OTOF: variants seen among roughly 807,000 people sequenced by gnomAD.
The protein encoded by OTOF is fer-1-like family member 2.
Under a neutral mutation model 236.8 loss-of-function variants are expected in OTOF, and 218 were observed. The ratio of observed to expected loss-of-function variants is 0.92; its 90% CI spans 0.82 to 1.03. The LOEUF is 1.03. Among genes scored for constraint, OTOF ranks in the 50% least tolerant of loss-of-function variants. OTOF has a pLI of 0.00. For synonymous variants in OTOF, 1,041 were observed against 1,072.5 expected (o/e 0.97, Z 0.57); for missense variants, 2,590 against 2,694.4 (o/e 0.96, Z 0.86).
chr2:26,501,295 A>C (rs1268045333), intron 8 of OTOF, among the ~76,000 whole-genome samples: 1 of 152,268 alleles, frequency 6.6e-6, no homozygotes, highest in Non-Finnish European at 1.5e-5. Flanking sequence ...AAAGAAGAAA[A>C]AAATCACTCA....
intron 1 of OTOF, among the ~76,000 whole-genome samples, chr2:26,544,203 A>G (rs942403128): frequency 6.6e-6 from 1 of 152,200 alleles, no homozygotes; most frequent in African/African-American, 2.4e-5. Context: ...TTTTAAAACT[A>G]GGTGAAACTT....
intron 9 of OTOF, among the ~76,000 whole-genome samples, chr2:26,494,051 A>C (rs989963283): frequency 6.6e-6 from 1 of 152,224 alleles, no homozygotes; most frequent in Non-Finnish European, 1.5e-5. Flanking sequence ...ATGGGGTCCC[A>C]TCTGGAGCCT....
intron 11 of OTOF, among the ~76,000 whole-genome samples, chr2:26,486,141 G>A (rs541805255): frequency 3.9e-5 from 6 of 152,220 alleles, no homozygotes; most frequent in South Asian, 4.2e-4. Context: ...CAGGTGGGTG[G>A]GTAGATATAT....
chr2:26,472,509 C>A lies in OTOF; in HGVS notation c.3864+10G>T, dbSNP rs760936806. The A allele has an allele frequency of 1.2e-6, 2 of 1,613,272 alleles. No individual in the cohort carries two copies. The highest frequency in any genetic ancestry group is 2.7e-5 in the African/African-American group (2 of 74,918). On this transcript the variant is annotated intron_variant, in intron 30 of 46. Coordinates refer to ENST00000272371, the MANE Select transcript of OTOF (RefSeq NM_194248.3). Reference sequence around the variant, plus strand: ...CCCAGCCAGCAGGGGGCTGACCCCACCCGCCTTACCGCGTCCAGCTTCACC... The same window carrying A: ...CCCAGCCAGCAGGGGGCTGACCCCAACCGCCTTACCGCGTCCAGCTTCACC...
chr2:26,486,963 T>C (rs973778260), intron 11 of OTOF, among the ~76,000 whole-genome samples: 7 of 152,130 alleles, frequency 4.6e-5, no homozygotes, highest in Non-Finnish European at 2.9e-5. Flanking sequence ...CAGACCTCCT[T>C]TATGATCTAT....
chr2:26,486,028 A>G (rs1211739421), intron 11 of OTOF, among the ~76,000 whole-genome samples: 1 of 152,238 alleles, frequency 6.6e-6, no homozygotes, highest in Non-Finnish European at 1.5e-5. Flanking sequence ...GAATGGGTGC[A>G]TAAATGGGCA....
At chr2:26,533,347 G>T (rs548587317) in intron 2 of OTOF, among the ~76,000 whole-genome samples, 16 of 152,278 alleles carry the variant, frequency 1.1e-4, no homozygotes, top group South Asian at 1.0e-3. Context: ...AGACGGATTT[G>T]CAAGCTTAAA....
At chr2:26,546,643 T>C (rs1223556557) in intron 1 of OTOF, among the ~76,000 whole-genome samples, 1 of 152,196 alleles carries the variant, frequency 6.6e-6, no homozygotes, top group Non-Finnish European at 1.5e-5. Flanking sequence ...TTGTTGTGAT[T>C]TTTATTAGGA....
chr2:26,522,336 A>G (rs970671926), intron 3 of OTOF, among the ~76,000 whole-genome samples: 8 of 152,022 alleles, frequency 5.3e-5, no homozygotes, highest in Non-Finnish European at 1.2e-4. Flanking sequence ...ATTTAAGCAA[A>G]AACACAGTGC....
intron 18 of OTOF, among the ~76,000 whole-genome samples, chr2:26,478,710 A>C (rs200699610): frequency 9.4e-6 from 1 of 106,926 alleles, no homozygotes; most frequent in African/African-American, 4.1e-5. Flanking sequence ...ATTTTATTTT[A>C]TTTTTTGAGA....
chr2:26,459,203 G>C (rs1024089140), intron 46 of OTOF, among the ~76,000 whole-genome samples: 6 of 152,186 alleles, frequency 3.9e-5, no homozygotes, highest in Non-Finnish European at 8.8e-5. Context: ...GGCTAACCCT[G>C]GCCACACCCT....
intron 26 of OTOF, 29 bp from the exon 27 acceptor site, chr2:26,474,139 C>CTGTG: frequency 6.2e-7 from 1 of 1,612,418 alleles, no homozygotes; most frequent in Non-Finnish European, 8.5e-7. Flanking sequence ...AGGTCACACA[C>CTGTG]TGGGGAGCCC....
intron 2 of OTOF, among the ~76,000 whole-genome samples, chr2:26,530,975 T>C (rs1436483431): frequency 6.6e-6 from 1 of 152,198 alleles, no homozygotes; most frequent in African/African-American, 2.4e-5. Context: ...AGTAGAGGCA[T>C]GGGCTGTAAG....
Position 26,477,750 on chromosome 2 carries a change from C to G in OTOF, c.2215-1G>C. ...CCTGTATGTCGTTCAGGCCTTCTTC[C>G]TGTGAATCAGGAGTGTGGGTGATGC... On this transcript the variant is annotated splice_acceptor_variant, in intron 18 of 46. Transcript: ENST00000272371. LOFTEE classifies it high-confidence loss of function. This position sits in a 1 kb window ranked among gnomAD's most constrained non-coding sequence, Gnocchi z 4.7. 1.2e-6 allele frequency: 2 copies of G among 1,612,692 alleles called. No individual in the cohort carries two copies. Among genetic ancestry groups the G allele is most frequent in the East Asian group, 4.5e-5 (2 of 44,866 alleles).
In OTOF at chr2:26,473,088, G is replaced by T. The variant is rs367852530; in HGVS notation, c.3733+44C>A. The T allele has an allele frequency of 2.7e-5, 43 of 1,588,428 alleles. No homozygotes were observed. The African/African-American group carries it at 4.4e-4, about 16-fold the overall frequency. ...GCGGAGACCTGGAGCCCTTCCCTGG[G>T]GGGCGTGGAGCCAGGCTTGGTGGCA... On this transcript the variant is annotated intron_variant, in intron 29 of 46. Transcript: ENST00000272371. This position sits in a 1 kb window ranked among gnomAD's most constrained non-coding sequence, Gnocchi z 7.2.
Position 26,489,734 on chromosome 2 carries a change from C to G in OTOF, c.904G>C (p.Val302Leu). 1 of 1,612,648 alleles carries G rather than the reference C, an allele frequency of 6.2e-7. No individual in the cohort carries two copies. Among genetic ancestry groups the G allele is most frequent in the Non-Finnish European group, 8.5e-7 (1 of 1,179,646 alleles). ...TNCPYYNEYF[V>L]FDFHVSPDVM... ...TCCGGAGAGACATGGAAGTCGAAGA[C>G]GAAGTACTGGAGGGGGAAGGATCCA... is the stretch of plus-strand genomic sequence containing the variant. Residue 302 changes from valine to leucine, a missense_variant, in exon 10 of 47, where the codon GTC becomes CTC. Transcript: ENST00000272371.
chr2:26,473,101 AGGCTT>A lies in OTOF; in HGVS notation c.3733+26_3733+30del, dbSNP rs1384849150. Reference sequence around the variant, plus strand: ...GCCCTTCCCTGGGGGGCGTGGAGCCAGGCTTGGTGGCAGGGTGGATGTGGCCATAC... The same window carrying A: ...GCCCTTCCCTGGGGGGCGTGGAGCCAGGTGGCAGGGTGGATGTGGCCATAC... On this transcript the variant is annotated intron_variant, in intron 29 of 46. Coordinates refer to ENST00000272371, the MANE Select transcript of OTOF (RefSeq NM_194248.3). The surrounding 1 kb of genome is among the most constrained non-coding windows in gnomAD (Gnocchi z 7.2). The A allele has an allele frequency of 6.9e-6, 11 of 1,603,190 alleles. No homozygotes were observed. In the South Asian group the frequency reaches 9.9e-5, roughly 14 times the overall value.
In OTOF at chr2:26,470,886, G is replaced by T. The variant is rs1035366568; in HGVS notation, c.3895-165C>A. Among the ~76,000 whole-genome samples, 7 of 152,176 alleles carry T rather than the reference G, an allele frequency of 4.6e-5. No individual in the cohort carries two copies. The highest frequency in any genetic ancestry group is 1.7e-4 in the African/African-American group (7 of 41,438). ...CAGGGCCTTATTTTATGGAGAAGGT[G>T]CCACAGGCCACAGAGTGTTGTGACC... On this transcript the variant is annotated intron_variant, in intron 31 of 46. Transcript: ENST00000272371. This position sits in a 1 kb window ranked among gnomAD's most constrained non-coding sequence, Gnocchi z 4.3.
At chr2:26,520,681 T>G in intron 3 of OTOF, among the ~76,000 whole-genome samples, 1 of 152,228 alleles carries the variant, frequency 6.6e-6, no homozygotes, top group South Asian at 2.1e-4. Flanking sequence ...AGTGCTGGGC[T>G]GGGGGCCAGG....
Sources: gnomAD v4.1 joint callset for allele counts (sites outside exome capture counted in the v4.1 genomes callset) on GRCh38, gnomAD v4.1.1 for gene constraint, Gnocchi (gnomAD v3.1) non-coding constraint, MANE v1.5 for transcripts, NCBI Gene and HGNC (gene_info 2026-07-23, HGNC 2026-07-21) for gene names.